Variants in FBXL7 observed in about 807,000 individuals in gnomAD.
The protein encoded by FBXL7 is F-box and leucine rich repeat protein 7, also known as F-box/LRR-repeat protein 7.
Under a neutral mutation model 38.3 loss-of-function variants are expected in FBXL7, and 12 were observed. The observed-to-expected ratio is 0.31, with a 90% CI of 0.20 to 0.51. The LOEUF is 0.51. FBXL7 is among the 20% of genes least tolerant of loss of function. The pLI is 0.98. For missense variants in FBXL7, 567 were observed against 676.4 expected (o/e 0.84, Z 1.79); for synonymous variants, 297 against 300.9 (o/e 0.99, Z 0.13).
chr5:15,777,594 C>T (rs895678152), intron 2 of FBXL7, among the ~76,000 whole-genome samples: 4 of 151,428 alleles, frequency 2.6e-5, no homozygotes, highest in African/African-American at 9.7e-5. Flanking sequence ...CAGTTTTGAA[C>T]AGTGAAAGAG....
intron 2 of FBXL7, among the ~76,000 whole-genome samples, chr5:15,669,119 C>T (rs1382628304): frequency 6.6e-6 from 1 of 152,034 alleles, no homozygotes; most frequent in African/African-American, 2.4e-5. Context: ...GTGTTCCTTC[C>T]CAGTGTTCAC....
intron 2 of FBXL7, among the ~76,000 whole-genome samples, chr5:15,665,808 C>T (rs945366044): frequency 6.6e-6 from 1 of 152,080 alleles, no homozygotes; most frequent in African/African-American, 2.4e-5. Context: ...TTACATATTC[C>T]ATCATTGCTA....
At chr5:15,718,821 A>G (rs1744115975) in intron 2 of FBXL7, among the ~76,000 whole-genome samples, 1 of 152,252 alleles carries the variant, frequency 6.6e-6, no homozygotes, top group Non-Finnish European at 1.5e-5. Flanking sequence ...ATGAATTTCA[A>G]CTAAGAGGTG....
In FBXL7 at chr5:15,938,142, G is replaced by C. The variant is rs1448917346; in HGVS notation, c.*956G>C. The stretch of plus-strand genomic sequence containing the variant: ...CCTCACATCCTCTTTTGCCAGGCTG[G>C]ATGCTGTCGTCTCTGTACACAAATA... On this transcript the variant is annotated 3_prime_UTR_variant, in exon 4 of 4. Coordinates refer to ENST00000504595, the MANE Select transcript of FBXL7 (RefSeq NM_012304.5). 1 of 152,108 alleles carries C rather than the reference G, an allele frequency of 6.6e-6. No individual in the cohort carries two copies. The highest frequency in any genetic ancestry group is 1.5e-5 in the Non-Finnish European group (1 of 68,046). The allele number at this position is 152,108 out of a possible 1,614,324, so 9.4% of individuals were successfully genotyped here. A position where few individuals can be genotyped will look rare whatever the true frequency, so the allele number is the denominator to read the frequency against.
chr5:15,936,679 C>T lies in FBXL7; in HGVS notation c.969C>T (p.Cys323=). 16 of 1,608,210 alleles carry T rather than the reference C, an allele frequency of 9.9e-6. No homozygotes were observed. The highest frequency in any genetic ancestry group is 1.3e-5 in the Non-Finnish European group (15 of 1,179,688). ...GCCTGCGCTACCTGGTGATCTACTG[C>T]GCCTCCATCAAGGAGCTGAGCGTCA... ...DEGLRYLVIY[C]ASIKELSVSD... is the part of the protein sequence containing the mutation. The change falls in exon 4 of 4, where the codon TGC becomes TGT. Residue 323 remains cysteine (C), a synonymous_variant. Transcript: ENST00000504595. The surrounding 1 kb of genome is among the most constrained non-coding windows in gnomAD (Gnocchi z 6.0).
chr5:15,783,994 C>T lies in FBXL7; in HGVS notation c.128-143896C>T, dbSNP rs551124618. Among the ~76,000 whole-genome samples the T allele has an allele frequency of 3.3e-5, 5 of 152,216 alleles. No individual in the cohort carries two copies. The East Asian group carries it at 7.7e-4, about 24-fold the overall frequency. On this transcript the variant is annotated intron_variant, in intron 2 of 3. Coordinates refer to ENST00000504595, the MANE Select transcript of FBXL7 (RefSeq NM_012304.5). ...AGAGTTTCCTATCAGCAGGTGAGCA[C>T]TCAGGTCTAGCATGGTGGCCCCAAT...
chr5:15,717,318 C>G (rs1277282512), intron 2 of FBXL7, among the ~76,000 whole-genome samples: 2 of 152,184 alleles, frequency 1.3e-5, no homozygotes, highest in African/African-American at 4.8e-5. Flanking sequence ...CATTGTCAGT[C>G]TGGTTTGGCA....
chr5:15,621,417 C>T (rs970318210), intron 2 of FBXL7, among the ~76,000 whole-genome samples: 5 of 152,112 alleles, frequency 3.3e-5, no homozygotes, highest in African/African-American at 1.2e-4. Context: ...TCATATTTTT[C>T]AGTCTTTCTC....
chr5:15,651,481 A>G (rs923245963), intron 2 of FBXL7, among the ~76,000 whole-genome samples: 3 of 152,178 alleles, frequency 2.0e-5, no homozygotes, highest in Non-Finnish European at 4.4e-5. Flanking sequence ...AGGCATGGAA[A>G]CAACATTAAT....
chr5:15,649,370 C>G, intron 2 of FBXL7, among the ~76,000 whole-genome samples: 1 of 152,088 alleles, frequency 6.6e-6, no homozygotes, highest in East Asian at 1.9e-4. Context: ...TTATTGGTTG[C>G]TGAAATAGTA....
intron 2 of FBXL7, among the ~76,000 whole-genome samples, chr5:15,687,829 CT>C (rs1188952683): frequency 6.6e-6 from 1 of 152,140 alleles, no homozygotes; most frequent in Non-Finnish European, 1.5e-5. Flanking sequence ...TTTGCACAGA[CT>C]GAATATGTAT....
intron 2 of FBXL7, among the ~76,000 whole-genome samples, chr5:15,903,736 T>G (rs1741287136): frequency 6.6e-6 from 1 of 152,194 alleles, no homozygotes; most frequent in African/African-American, 2.4e-5. Context: ...GTACAATTAT[T>G]ATTTGTCAAC....
At chr5:15,713,851 A>AT (rs1478494983) in intron 2 of FBXL7, among the ~76,000 whole-genome samples, 1 of 152,240 alleles carries the variant, frequency 6.6e-6, no homozygotes, top group Non-Finnish European at 1.5e-5. Flanking sequence ...TTGGTGGATG[A>AT]TAAAAAGTCT....
intron 1 of FBXL7, among the ~76,000 whole-genome samples, chr5:15,547,648 T>C (rs908564453): frequency 6.6e-6 from 1 of 152,134 alleles, no homozygotes; most frequent in Non-Finnish European, 1.5e-5. Context: ...TCAGGGACCT[T>C]GGAAAGCAGC....
At chr5:15,786,238 G>A (rs1217522184) in intron 2 of FBXL7, among the ~76,000 whole-genome samples, 1 of 152,120 alleles carries the variant, frequency 6.6e-6, no homozygotes, top group Non-Finnish European at 1.5e-5. Context: ...GCATTAGAGA[G>A]CGTTGGTGAG....
chr5:15,656,753 C>A, intron 2 of FBXL7, among the ~76,000 whole-genome samples: 1 of 151,254 alleles, frequency 6.6e-6, no homozygotes, highest in Admixed American at 6.6e-5. Flanking sequence ...TATCTAATAG[C>A]CATGTATAAT....
At chr5:15,725,983 A>G (rs1744338928) in intron 2 of FBXL7, among the ~76,000 whole-genome samples, 1 of 152,104 alleles carries the variant, frequency 6.6e-6, no homozygotes, top group Non-Finnish European at 1.5e-5. Context: ...TGCAACTATT[A>G]TTGTAGAACT....
At chr5:15,883,504 G>A (rs910877061) in intron 2 of FBXL7, among the ~76,000 whole-genome samples, 1 of 152,114 alleles carries the variant, frequency 6.6e-6, no homozygotes, top group Non-Finnish European at 1.5e-5. Context: ...CGTGTTGTAA[G>A]AATGGGTTTT....
At chr5:15,619,672 G>T (rs886541913) in intron 2 of FBXL7, among the ~76,000 whole-genome samples, 4 of 152,168 alleles carry the variant, frequency 2.6e-5, no homozygotes, top group Admixed American at 6.5e-5. Flanking sequence ...TAGTTTAAAG[G>T]TCTGAATGGT....
Sources: gnomAD v4.1 joint callset for allele counts (sites outside exome capture counted in the v4.1 genomes callset) on GRCh38, gnomAD v4.1.1 for gene constraint, Gnocchi (gnomAD v3.1) non-coding constraint, MANE v1.5 for transcripts, NCBI Gene and HGNC (gene_info 2026-07-23, HGNC 2026-07-21) for gene names.